The following TEK variants were observed in gnomAD, a reference collection of about 807,000 sequenced individuals.
TEK encodes angiopoietin-1 receptor.
TEK carries 43 observed loss-of-function variants against 131.8 expected under a neutral mutation model. That is an observed-to-expected ratio of 0.33 (90% CI 0.26 to 0.42). TEK has a LOEUF of 0.42. TEK is among the 10% of genes least tolerant of loss of function. TEK has a pLI of 1.00. For missense variants in TEK, 1,162 were observed against 1,384.4 expected, an observed-to-expected ratio of 0.84 and a Z score of 2.55; for synonymous variants, 580 against 491.6, an observed-to-expected ratio of 1.18 and a Z score of -2.38.
intron 12 of TEK, among the ~76,000 whole-genome samples, chr9:27,199,674 G>A (rs190343401): frequency 1.3e-5 from 2 of 152,152 alleles, no homozygotes; most frequent in Non-Finnish European, 2.9e-5. Context: ...TTGATATACT[G>A]GATGTCCTCT....
At chr9:27,115,124 T>C (rs1821498983) in intron 1 of TEK, among the ~76,000 whole-genome samples, 1 of 152,174 alleles carries the variant, frequency 6.6e-6, no homozygotes, top group South Asian at 2.1e-4. Flanking sequence ...CAAATAAAGG[T>C]ATTTACAAAA....
At chr9:27,171,236 G>T (rs1823944006) in intron 4 of TEK, among the ~76,000 whole-genome samples, 1 of 152,126 alleles carries the variant, frequency 6.6e-6, no homozygotes, top group Admixed American at 6.5e-5. Flanking sequence ...ATTTTCCCCA[G>T]CTAGATCAGG....
chr9:27,172,689 T>G lies in TEK; in HGVS notation c.702T>G (p.His234Gln), dbSNP rs1824003236. The G allele has an allele frequency of 6.2e-7, 1 of 1,613,648 alleles. No homozygotes were observed. The highest frequency in any genetic ancestry group is 8.5e-7 in the Non-Finnish European group (1 of 1,179,740). The change falls in exon 5 of 23, where the codon CAT (histidine) becomes CAG (glutamine). Residue 234 changes from histidine to glutamine, a missense_variant. By Grantham distance (24) the His-to-Gln change is conservative. This residue lies in a region of TEK where 436 missense variants were observed against 539.1 expected (regional missense o/e 0.81). Transcript: ENST00000380036. ...CTTGTATGAACAATGGTGTCTGCCA[T>G]GAAGATACTGGAGAATGCATTTGCC... Reference protein sequence around the residue: ...CTACMNNGVCHEDTGECICPP... With the variant: ...CTACMNNGVCQEDTGECICPP...
chr9:27,127,273 G>T (rs1490497638), intron 1 of TEK, among the ~76,000 whole-genome samples: 2 of 152,128 alleles, frequency 1.3e-5, no homozygotes, highest in African/African-American at 4.8e-5. Context: ...ATGGTTTCCA[G>T]CTTCATCCAT....
rs1825675801 is a variant in TEK, at chr9:27,212,577, C to T, written c.2687-130C>T. 3.5e-5 allele frequency: 33 copies of T among 939,246 alleles called. No homozygotes were observed. The South Asian group carries it at 4.5e-4, about 13-fold the overall frequency. The allele number at this position is 939,246 out of a possible 1,614,324, so 58.2% of individuals were successfully genotyped here. A position where few individuals can be genotyped will look rare whatever the true frequency, so the allele number is the denominator to read the frequency against. ...CGTCTTCCTCCTGTCCCCCAGTGCT[C>T]CCTGGGTGGTGTTGCTAGATGTGTT... On this transcript the variant is annotated intron_variant, in intron 16 of 22. Coordinates refer to ENST00000380036, the MANE Select transcript of TEK (RefSeq NM_000459.5).
Position 27,211,109 on chromosome 9 carries a change from G to C in TEK, c.2687-1598G>C, listed in dbSNP as rs1280896338. Among the ~76,000 whole-genome samples, 4 of 142,856 alleles carry C rather than the reference G, an allele frequency of 2.8e-5. No homozygotes were observed. In the East Asian group the frequency reaches 6.4e-4, roughly 23 times the overall value. The allele number at this position is 142,856 out of a possible 152,430, so 93.7% of individuals were successfully genotyped here. A position where few individuals can be genotyped will look rare whatever the true frequency, so the allele number is the denominator to read the frequency against. ...TGCACTTCAGCCCAGGCGACAGAGA[G>C]AGACTCAGTTTAAAAAAAAATATAT... On this transcript the variant is annotated intron_variant, in intron 16 of 22. Coordinates refer to ENST00000380036, the MANE Select transcript of TEK (RefSeq NM_000459.5).
At chr9:27,117,575 G>A (rs1821619027) in intron 1 of TEK, among the ~76,000 whole-genome samples, 1 of 152,112 alleles carries the variant, frequency 6.6e-6, no homozygotes, top group Admixed American at 6.5e-5. Flanking sequence ...GTGAAGACGT[G>A]GATGTGCCAG....
intron 9 of TEK, among the ~76,000 whole-genome samples, chr9:27,187,452 T>C (rs76779133): frequency 0.055 from 8,340 of 152,282 alleles, 320 homozygotes; most frequent in South Asian, 0.14. Context: ...CCTAGGTATA[T>C]GCTCAAAAGA....
intron 1 of TEK, among the ~76,000 whole-genome samples, chr9:27,127,545 G>A (rs1587487267): frequency 6.6e-6 from 1 of 152,198 alleles, no homozygotes; most frequent in Non-Finnish European, 1.5e-5. Flanking sequence ...AGATCCTTGA[G>A]GAATTGCCAT....
intron 21 of TEK, among the ~76,000 whole-genome samples, chr9:27,225,076 A>G (rs1437078184): frequency 1.3e-5 from 2 of 152,164 alleles, no homozygotes; most frequent in Non-Finnish European, 2.9e-5. Context: ...CTTCAAGGAG[A>G]ACTACAAACC....
intron 7 of TEK, among the ~76,000 whole-genome samples, chr9:27,183,101 G>C (rs1824452203): frequency 6.6e-6 from 1 of 152,178 alleles, no homozygotes; most frequent in Non-Finnish European, 1.5e-5. Context: ...CATGTAAAAA[G>C]AAAGAGGGGG....
intron 18 of TEK, among the ~76,000 whole-genome samples, chr9:27,213,891 C>G (rs1380835925): frequency 6.6e-6 from 1 of 152,228 alleles, no homozygotes; most frequent in African/African-American, 2.4e-5. Context: ...CAAGGCATCT[C>G]ACTCAGGAAC....
At position 27,180,249 on chromosome 9, in the gene TEK, C is replaced by G; in HGVS notation, c.911C>G (p.Pro304Arg). 2.5e-6 allele frequency: 4 copies of G among 1,613,776 alleles called. No homozygotes were observed. The highest frequency in any genetic ancestry group is 3.4e-6 in the Non-Finnish European group (4 of 1,179,794). ...KGLQCNEACH[P>R]GFYGPDCKLR... ...ATGTCTCTGTTTACAGCATGCCACCCTGGTTTTTACGGGCCAGATTGTAAG... is the reference window on the plus strand; with the variant it reads ...ATGTCTCTGTTTACAGCATGCCACCGTGGTTTTTACGGGCCAGATTGTAAG... Residue 304 changes from proline (P) to arginine (R), a missense_variant, in exon 7 of 23, where the codon CCT (proline) becomes CGT (arginine). Coordinates refer to ENST00000380036, the MANE Select transcript of TEK (RefSeq NM_000459.5).
intron 7 of TEK, among the ~76,000 whole-genome samples, chr9:27,182,230 T>C (rs1200240068): frequency 6.6e-6 from 1 of 152,170 alleles, no homozygotes; most frequent in East Asian, 1.9e-4. Context: ...AACCAGGGTG[T>C]CACTAGGGCT....
chr9:27,201,017 A>G (rs1396473099), intron 12 of TEK, among the ~76,000 whole-genome samples: 1 of 152,126 alleles, frequency 6.6e-6, no homozygotes, highest in Admixed American at 6.5e-5. Flanking sequence ...TGGATGGGCG[A>G]CCCACTGCTT....
intron 1 of TEK, among the ~76,000 whole-genome samples, chr9:27,135,243 TTCTTG>T (rs1822378678): frequency 6.6e-6 from 1 of 151,404 alleles, no homozygotes. Context: ...AGACAAAGGA[TTCTTG>T]TCTTAGTGTA....
chr9:27,191,011 G>T (rs1286493836), intron 10 of TEK, among the ~76,000 whole-genome samples: 3 of 152,168 alleles, frequency 2.0e-5, no homozygotes, highest in Admixed American at 6.5e-5. Flanking sequence ...AAAGGCACTT[G>T]TTTATGCCAT....
chr9:27,169,363 T>G, intron 3 of TEK, 114 bp from the exon 4 acceptor site: 43 of 1,380,880 alleles, frequency 3.1e-5, no homozygotes, highest in Non-Finnish European at 3.9e-5. Context: ...ATCCAATATG[T>G]GAGAGCACAT....
chr9:27,196,092 C>G (rs1005777565), intron 11 of TEK, among the ~76,000 whole-genome samples: 17 of 152,180 alleles, frequency 1.1e-4, no homozygotes, highest in African/African-American at 4.1e-4. Context: ...ATGTATTGCT[C>G]AAAATGGTAA....
Sources: gnomAD v4.1 joint callset for allele counts (sites outside exome capture counted in the v4.1 genomes callset) on GRCh38, gnomAD v4.1.1 for gene constraint, gnomAD v4.1.1 regional missense constraint, MANE v1.5 for transcripts, NCBI Gene and HGNC (gene_info 2026-07-23, HGNC 2026-07-21) for gene names.